Variants in NFILZ observed in about 807,000 individuals in gnomAD.
NFILZ encodes the protein NFIL3 like basic leucine zipper.
intron 3 of NFILZ, among the ~76,000 whole-genome samples, chr19:8,661,216 G>A (rs539786746): frequency 6.9e-6 from 1 of 145,760 alleles, no homozygotes; most frequent in African/African-American, 2.6e-5. Flanking sequence ...AGGCTGCAGT[G>A]CAGTGATGCA....
chr19:8,656,304 C>CTGAAGCCCACCTTCTCCT (rs1316552025), intron 3 of NFILZ, among the ~76,000 whole-genome samples: 1 of 39,376 alleles, frequency 2.5e-5, no homozygotes. Context: ...CACCTCCTCC[C>CTGAAGCCCACCTTCTCCT]GCAGCGCACC....
chr19:8,678,164 T>C lies in NFILZ; in HGVS notation c.*529T>C, dbSNP rs2043126263. Among the ~76,000 whole-genome samples the C allele has an allele frequency of 3.8e-4, 7 of 18,638 alleles. No homozygotes were observed. Among genetic ancestry groups the C allele is most frequent in the East Asian group, 2.3e-3 (1 of 436 alleles). The allele number at this position is 18,638 out of a possible 152,430, so 12.2% of individuals were successfully genotyped here. A position where few individuals can be genotyped will look rare whatever the true frequency, so the allele number is the denominator to read the frequency against. ...ATCCACTTGTCCGTCCATCCATCCA[T>C]CCATCCATCCATCCATCCATCCATC... On this transcript the variant is annotated 3_prime_UTR_variant, in exon 6 of 6. Coordinates refer to ENST00000691075, the MANE Select transcript of NFILZ (RefSeq NM_001378600.1).
intron 3 of NFILZ, among the ~76,000 whole-genome samples, chr19:8,667,568 G>T (rs1335521613): frequency 6.6e-6 from 1 of 151,850 alleles, no homozygotes; most frequent in Non-Finnish European, 1.5e-5. Context: ...ATTTTTTTGA[G>T]ATGGAGTCTC....
intron 3 of NFILZ, among the ~76,000 whole-genome samples, chr19:8,673,584 C>T (rs1220110655): frequency 5.3e-5 from 8 of 152,114 alleles, no homozygotes; most frequent in Non-Finnish European, 1.2e-4. Context: ...TGGAGTCTCC[C>T]CAGTGACCAG....
chr19:8,671,770 C>T (rs1215196553), intron 3 of NFILZ, among the ~76,000 whole-genome samples: 1 of 152,218 alleles, frequency 6.6e-6, no homozygotes, highest in Non-Finnish European at 1.5e-5. Context: ...TTCATCAATT[C>T]CTGGGCTCTG....
chr19:8,646,099 C>T (rs192241466), intron 3 of NFILZ, among the ~76,000 whole-genome samples: 239 of 151,950 alleles, frequency 1.6e-3, no homozygotes, highest in African/African-American at 5.2e-3. Flanking sequence ...TCCAGTGGCG[C>T]GATCTCGGCT....
intron 3 of NFILZ, among the ~76,000 whole-genome samples, chr19:8,655,595 G>A (rs1339116906): frequency 5.3e-5 from 8 of 152,174 alleles, no homozygotes; most frequent in Admixed American, 2.0e-4. Context: ...TGAGGCTCAC[G>A]TGGGACTCAC....
At chr19:8,656,438 TTCTCCTCGAAGCCCAC>T (rs2043000538) in intron 3 of NFILZ, among the ~76,000 whole-genome samples, 1 of 72,468 alleles carries the variant, frequency 1.4e-5, no homozygotes, top group South Asian at 5.3e-4. Context: ...GCAGCCCACC[TTCTCCTCGAAGCCCAC>T]CTTCTCTCTG....
At chr19:8,663,722 TTGTGTGTGTGTG>T (rs879983007) in intron 3 of NFILZ, among the ~76,000 whole-genome samples, 3 of 10,796 alleles carry the variant, frequency 2.8e-4, no homozygotes, top group African/African-American at 6.2e-4. Flanking sequence ...GTGTGTGTGT[TTGTGTGTGTGTG>T]TGTGTGTGTG....
intron 2 of NFILZ, among the ~76,000 whole-genome samples, chr19:8,633,890 CCTT>C (rs1568416454): frequency 1.8e-4 from 19 of 105,740 alleles, no homozygotes; most frequent in Admixed American, 5.1e-4. Flanking sequence ...TTCCTTCCTT[CCTT>C]CCTTCCTTCC....
chr19:8,667,936 TTTTTA>T (rs1555749966), intron 3 of NFILZ, among the ~76,000 whole-genome samples: 1 of 152,044 alleles, frequency 6.6e-6, no homozygotes, highest in African/African-American at 2.4e-5. Context: ...ATATATGTAT[TTTTTA>T]TTTTATTTTT....
At chr19:8,672,226 C>T (rs1326394211) in intron 3 of NFILZ, among the ~76,000 whole-genome samples, 2 of 151,414 alleles carry the variant, frequency 1.3e-5, no homozygotes, top group African/African-American at 4.9e-5. Context: ...AAAATCCATG[C>T]ATTTATTAGT....
chr19:8,668,429 T>C (rs1555750016), intron 3 of NFILZ, among the ~76,000 whole-genome samples: 1 of 152,232 alleles, frequency 6.6e-6, no homozygotes, highest in East Asian at 1.9e-4. Context: ...ATCTACATGT[T>C]TTTCTTTCAT....
chr19:8,656,422 CT>C (rs2043000011), intron 3 of NFILZ, among the ~76,000 whole-genome samples: 1,242 of 68,784 alleles, frequency 0.018, 89 homozygotes, highest in Middle Eastern at 0.037. Flanking sequence ...AAACCCACCT[CT>C]TTCCGCAGCC....
chr19:8,646,055 G>T (rs1158151231), intron 3 of NFILZ, among the ~76,000 whole-genome samples: 2 of 151,512 alleles, frequency 1.3e-5, no homozygotes, highest in African/African-American at 4.9e-5. Flanking sequence ...TTTTTTGGGG[G>T]GGATGGACTC....
chr19:8,640,760 G>A (rs188487445), intron 3 of NFILZ, among the ~76,000 whole-genome samples: 1 of 152,296 alleles, frequency 6.6e-6, no homozygotes, highest in East Asian at 1.9e-4. Flanking sequence ...TGCTTTCTCA[G>A]GGTGTGGATA....
intron 3 of NFILZ, among the ~76,000 whole-genome samples, chr19:8,653,007 C>T (rs1279735016): frequency 0.62 from 27,711 of 44,524 alleles, 9,086 homozygotes; most frequent in Middle Eastern, 0.74. Context: ...TTCCTTCCTT[C>T]CTTCCTTTCT....
rs532540748 is a variant in NFILZ, at chr19:8,673,408, C to T, written c.-163-1143C>T. Among the ~76,000 whole-genome samples the T allele has an allele frequency of 1.5e-3, 233 of 152,248 alleles. 3 individuals carry two copies. Among genetic ancestry groups the T allele is most frequent in the African/African-American group, 5.2e-3 (218 of 41,542 alleles). On this transcript the variant is annotated intron_variant, in intron 3 of 5. Transcript: ENST00000691075. ...GCTGCAGGAAATTGCAAACCCAGGG[C>T]GTCCCGTCTGGCACCTGTGGACCAG...
At chr19:8,671,560 C>T (rs2043087088) in intron 3 of NFILZ, among the ~76,000 whole-genome samples, 1 of 152,148 alleles carries the variant, frequency 6.6e-6, no homozygotes, top group Admixed American at 6.5e-5. Context: ...CCAGCCCACA[C>T]TCACTTCTCT....
Sources: allele counts gnomAD v4.1 joint callset (sites outside exome capture counted in the v4.1 genomes callset), GRCh38; gene constraint gnomAD v4.1.1; transcripts MANE v1.5; gene names NCBI Gene and HGNC (gene_info 2026-07-23, HGNC 2026-07-21).